The following TENM3 variants were observed in gnomAD, a reference collection of about 807,000 sequenced individuals.
TENM3 encodes teneurin transmembrane protein 3.
Under a neutral mutation model 255.1 loss-of-function variants are expected in TENM3, and 63 were observed. The observed-to-expected ratio is 0.25, with a 90% CI of 0.20 to 0.30. TENM3 has a LOEUF of 0.30. Among genes scored for constraint, TENM3 ranks in the 10% least tolerant of loss-of-function variants. The pLI, the probability that TENM3 is intolerant of heterozygous loss-of-function variation, is 1.00. For synonymous variants in TENM3, 1,306 were observed against 1,322.3 expected (o/e 0.99, Z 0.27); for missense variants, 2,929 against 3,461.1 (o/e 0.85, Z 3.86).
In TENM3 at chr4:182,277,409, AC is replaced by A. The variant is rs375525588; in HGVS notation, c.-76+33935del. ...CTTCTTTTCCATCTGTTTCAGAGAA[AC>A]CAGGTATTTTCAAGCACTCTTTAAT... On this transcript the variant is annotated intron_variant, in intron 1 of 27. Coordinates refer to ENST00000511685, the MANE Select transcript of TENM3 (RefSeq NM_001080477.4). Among the ~76,000 whole-genome samples the A allele has an allele frequency of 3.0e-4, 45 of 152,104 alleles. No individual in the cohort carries two copies. In the South Asian group the frequency reaches 9.4e-3, roughly 32 times the overall value.
the TENM3 span, among the ~76,000 whole-genome samples, chr4:181,571,056 C>T: frequency 6.6e-6 from 1 of 152,048 alleles, no homozygotes; most frequent in Non-Finnish European, 1.5e-5. Flanking sequence ...GCTGTGCCAT[C>T]GGGAGTGTTC....
chr4:181,553,668 C>G, the TENM3 span, among the ~76,000 whole-genome samples: 2 of 152,054 alleles, frequency 1.3e-5, no homozygotes, highest in Non-Finnish European at 2.9e-5. Flanking sequence ...GTCTCGATCT[C>G]CTGACCTCGT....
At chr4:182,066,596 AAAAAT>A in the TENM3 span, among the ~76,000 whole-genome samples, 10 of 21,366 alleles carry the variant, frequency 4.7e-4, no homozygotes, top group African/African-American at 7.2e-4. Flanking sequence ...ATGGTAAAAA[AAAAAT>A]ATATATATAT....
chr4:182,414,904 T>C (rs1770256225), intron 3 of TENM3, among the ~76,000 whole-genome samples: 1 of 152,216 alleles, frequency 6.6e-6, no homozygotes, highest in African/African-American at 2.4e-5. Context: ...GCTTTACATT[T>C]AATTTTGAAT....
chr4:182,747,340 CTGTTA>C (rs1162445044), intron 19 of TENM3, among the ~76,000 whole-genome samples: 2 of 152,186 alleles, frequency 1.3e-5, no homozygotes, highest in South Asian at 2.1e-4. Context: ...AGAGAGTGTT[CTGTTA>C]TATCAAACTA....
At chr4:181,784,690 G>A in the TENM3 span, among the ~76,000 whole-genome samples, 8 of 152,186 alleles carry the variant, frequency 5.3e-5, no homozygotes, top group East Asian at 5.8e-4. Context: ...TCAGATAAAC[G>A]CTTTCTGCCC....
At chr4:182,022,064 G>A in the TENM3 span, among the ~76,000 whole-genome samples, 4 of 151,842 alleles carry the variant, frequency 2.6e-5, no homozygotes, top group Admixed American at 6.6e-5. Context: ...GAAATAGATT[G>A]TTCCACCAAA....
chr4:182,452,933 G>T (rs1353046571), intron 3 of TENM3, among the ~76,000 whole-genome samples: 1 of 151,936 alleles, frequency 6.6e-6, no homozygotes, highest in Non-Finnish European at 1.5e-5. Context: ...CTCTTGTTGG[G>T]TATTTGGAAT....
At chr4:181,505,760 AT>A in the TENM3 span, among the ~76,000 whole-genome samples, 1 of 152,206 alleles carries the variant, frequency 6.6e-6, no homozygotes, top group African/African-American at 2.4e-5. Flanking sequence ...TATAGCAGAA[AT>A]TCAATTAGGG....
chr4:181,931,602 A>G, the TENM3 span, among the ~76,000 whole-genome samples: 1 of 152,228 alleles, frequency 6.6e-6, no homozygotes, highest in African/African-American at 2.4e-5. Context: ...AAAGTAATTT[A>G]TAGATTCAAT....
the TENM3 span, among the ~76,000 whole-genome samples, chr4:182,134,326 A>G: frequency 1.3e-5 from 2 of 152,224 alleles, no homozygotes; most frequent in Admixed American, 6.5e-5. Context: ...GCAGAGCTCC[A>G]TTAAGCCAGG....
chr4:181,913,085 T>C, the TENM3 span, among the ~76,000 whole-genome samples: 305 of 152,188 alleles, frequency 2.0e-3, 1 homozygote, highest in African/African-American at 7.1e-3. Context: ...TAGGAATATA[T>C]GCAAAATAAC....
chr4:181,503,863 G>T, the TENM3 span, among the ~76,000 whole-genome samples: 1 of 152,166 alleles, frequency 6.6e-6, no homozygotes, highest in Non-Finnish European at 1.5e-5. Context: ...CACAGTTCCT[G>T]CTCCGCTCGG....
At chr4:181,686,108 C>A in the TENM3 span, among the ~76,000 whole-genome samples, 1 of 152,094 alleles carries the variant, frequency 6.6e-6, no homozygotes, top group Admixed American at 6.6e-5. Flanking sequence ...TTTTACTCAT[C>A]TTTGTAGGCG....
At chr4:181,817,870 A>C in the TENM3 span, among the ~76,000 whole-genome samples, 2 of 152,226 alleles carry the variant, frequency 1.3e-5, no homozygotes, top group African/African-American at 4.8e-5. Flanking sequence ...AGTCTGCTGT[A>C]TCCTGTTATA....
chr4:182,141,613 A>G (rs941797021), upstream of TENM3: 5 of 152,224 alleles, frequency 3.3e-5, no homozygotes, highest in East Asian at 1.9e-4. Context: ...TAGAGTGCGC[A>G]GGGCCGTATT....
chr4:181,938,053 C>T, the TENM3 span, among the ~76,000 whole-genome samples: 1 of 152,200 alleles, frequency 6.6e-6, no homozygotes, highest in Non-Finnish European at 1.5e-5. Flanking sequence ...CAGTTTTTAT[C>T]ATACCTTGGC....
intron 13 of TENM3, among the ~76,000 whole-genome samples, chr4:182,727,639 C>T (rs1760325067): frequency 6.6e-6 from 1 of 152,108 alleles, no homozygotes; most frequent in Non-Finnish European, 1.5e-5. Context: ...GGAGAAAGCA[C>T]TGGCAAATTC....
chr4:182,754,881 T>G lies in TENM3; in HGVS notation c.4514T>G (p.Leu1505Arg). The change falls in exon 22 of 28, where the codon CTT becomes CGT. Residue 1505 changes from leucine (L) to arginine (R), a missense_variant. Physicochemically the swap from Leu to Arg is moderately radical, Grantham distance 102. Coordinates refer to ENST00000511685, the MANE Select transcript of TENM3 (RefSeq NM_001080477.4). The surrounding 1 kb of genome is among the most constrained non-coding windows in gnomAD (Gnocchi z 5.1). ...GCTGTGTCAAAGAATAAGCCTTTAC[T>G]TAACTCTATGAACTTCTATGAAGTT... ...IRAVSKNKPL[L>R]NSMNFYEVAS... 6.2e-7 allele frequency: 1 copy of G among 1,614,070 alleles called. No individual in the cohort carries two copies. Among genetic ancestry groups the G allele is most frequent in the Non-Finnish European group, 8.5e-7 (1 of 1,179,902 alleles).
Sources: gnomAD v4.1 joint callset for allele counts (sites outside exome capture counted in the v4.1 genomes callset) on GRCh38, gnomAD v4.1.1 for gene constraint, Gnocchi (gnomAD v3.1) non-coding constraint, MANE v1.5 for transcripts, NCBI Gene and HGNC (gene_info 2026-07-23, HGNC 2026-07-21) for gene names.